Variants in ILDR1 observed in about 807,000 individuals in gnomAD.
ILDR1 encodes immunoglobulin-like domain-containing receptor 1.
ILDR1 carries 56 observed loss-of-function variants against 62.4 expected under a neutral mutation model. The ratio of observed to expected loss-of-function variants is 0.90; its 90% CI spans 0.72 to 1.12. ILDR1 has a LOEUF of 1.12. ILDR1 is among the 50% of genes most tolerant of loss of function. ILDR1 has a pLI of 0.00. For missense variants in ILDR1, 736 were observed against 710.6 expected (o/e 1.04, Z -0.41); for synonymous variants, 284 against 277.8 (o/e 1.02, Z -0.22).
rs899942648 is a variant in ILDR1 at position 122,001,924 on chromosome 3, C to T, written c.380-60G>A. 26 of 1,596,020 alleles carry T rather than the reference C, an allele frequency of 1.6e-5. No individual in the cohort carries two copies. In the Admixed American group the frequency reaches 2.3e-4, roughly 14 times the overall value. On this transcript the variant is annotated intron_variant, in intron 3 of 7. Coordinates refer to ENST00000344209, the MANE Select transcript of ILDR1 (RefSeq NM_001199799.2). ...GAGGAGAGAGCACTGGTTTCTAACCCATGACACCCTCAAGACCTGGGCAGC... is the reference window on the plus strand; with the variant it reads ...GAGGAGAGAGCACTGGTTTCTAACCTATGACACCCTCAAGACCTGGGCAGC...
the ILDR1 span, among the ~76,000 whole-genome samples, chr3:122,044,717 A>C: frequency 6.6e-6 from 1 of 151,458 alleles, no homozygotes; most frequent in South Asian, 2.1e-4. Context: ...AGGTGTTTGT[A>C]GTATTCTCTG....
At chr3:122,047,759 G>A in the ILDR1 span, among the ~76,000 whole-genome samples, 6 of 152,226 alleles carry the variant, frequency 3.9e-5, no homozygotes, top group African/African-American at 7.2e-5. Context: ...GCAATGCCTC[G>A]CCCTGCTTCG....
the ILDR1 span, among the ~76,000 whole-genome samples, chr3:122,028,586 T>A: frequency 6.6e-6 from 1 of 152,180 alleles, no homozygotes; most frequent in East Asian, 1.9e-4. Flanking sequence ...AAAGAACTCC[T>A]TAAAAATCAG....
the ILDR1 span, chr3:122,055,411 T>TC: frequency 7.1e-7 from 1 of 1,403,380 alleles, no homozygotes; most frequent in South Asian, 1.2e-5. Context: ...GCTTCTCTGC[T>TC]GCTGTAACAG....
intron 7 of ILDR1, among the ~76,000 whole-genome samples, chr3:121,992,116 G>A (rs1176308633): frequency 6.6e-6 from 1 of 152,174 alleles, no homozygotes; most frequent in Non-Finnish European, 1.5e-5. Flanking sequence ...TTAAAGGACT[G>A]CTGTCATTTG....
intron 1 of ILDR1, among the ~76,000 whole-genome samples, chr3:122,010,318 A>T (rs987734580): frequency 1.8e-4 from 28 of 152,172 alleles, no homozygotes; most frequent in Non-Finnish European, 2.1e-4. Flanking sequence ...TTGTCCATGG[A>T]TCATCACTGA....
chr3:122,017,931 T>C (rs2071799657), intron 1 of ILDR1, among the ~76,000 whole-genome samples: 2 of 152,226 alleles, frequency 1.3e-5, no homozygotes, highest in Non-Finnish European at 2.9e-5. Flanking sequence ...GGAACGCTTT[T>C]ACACTGTTGG....
At chr3:122,009,068 A>T (rs13086277) in intron 1 of ILDR1, among the ~76,000 whole-genome samples, 22,944 of 151,586 alleles carry the variant, frequency 0.15, 2,455 homozygotes, top group Admixed American at 0.31. Flanking sequence ...CAAGTAGCTG[A>T]GACTACAGGC....
At chr3:122,004,094 T>C (rs1174559681) in intron 3 of ILDR1, among the ~76,000 whole-genome samples, 1 of 152,222 alleles carries the variant, frequency 6.6e-6, no homozygotes, top group Admixed American at 6.5e-5. Flanking sequence ...CTGGTTCCCC[T>C]TAAGTGACCT....
chr3:122,055,356 G>A, the ILDR1 span: 2 of 806,320 alleles, frequency 2.5e-6, no homozygotes, highest in African/African-American at 1.7e-5. Flanking sequence ...AGCTGGGTAG[G>A]TATACAGTCA....
At chr3:122,028,415 A>G in the ILDR1 span, among the ~76,000 whole-genome samples, 2 of 151,910 alleles carry the variant, frequency 1.3e-5, no homozygotes, top group Non-Finnish European at 2.9e-5. Flanking sequence ...GAAGTGAAGT[A>G]TTGTGTGAAA....
the ILDR1 span, among the ~76,000 whole-genome samples, chr3:122,035,972 A>G: frequency 0.045 from 6,828 of 152,292 alleles, 214 homozygotes; most frequent in South Asian, 0.1. Context: ...AACTTCCTAG[A>G]GACTTGTTGA....
chr3:121,998,872 C>T (rs977096786), intron 5 of ILDR1, among the ~76,000 whole-genome samples: 3 of 152,166 alleles, frequency 2.0e-5, no homozygotes, highest in African/African-American at 7.2e-5. Flanking sequence ...GCAGTCTCTG[C>T]TGTAGGAATG....
chr3:122,053,575 T>C, the ILDR1 span, among the ~76,000 whole-genome samples: 28 of 152,208 alleles, frequency 1.8e-4, no homozygotes, highest in African/African-American at 6.5e-4. Flanking sequence ...AGACAAGGTC[T>C]CATTATGTTG....
chr3:122,015,223 C>G (rs2107675572), intron 1 of ILDR1, among the ~76,000 whole-genome samples: 1 of 152,286 alleles, frequency 6.6e-6, no homozygotes, highest in South Asian at 2.1e-4. Flanking sequence ...TCCAAATGCT[C>G]CTGATAGTTC....
chr3:122,002,628 T>TA (rs1003387876), intron 3 of ILDR1, among the ~76,000 whole-genome samples: 12 of 152,270 alleles, frequency 7.9e-5, no homozygotes, highest in African/African-American at 2.9e-4. Flanking sequence ...ATTTTTTTTT[T>TA]AATTTTAAGG....
intron 3 of ILDR1, among the ~76,000 whole-genome samples, chr3:122,002,714 C>A (rs2107657644): frequency 6.6e-6 from 1 of 152,046 alleles, no homozygotes; most frequent in African/African-American, 2.4e-5. Flanking sequence ...CATCCCATCA[C>A]CTCGGTATAA....
At chr3:122,047,038 A>C in the ILDR1 span, among the ~76,000 whole-genome samples, 1 of 143,050 alleles carries the variant, frequency 7.0e-6, no homozygotes, top group African/African-American at 2.6e-5. Context: ...TTTTTTCCCC[A>C]TCTTTGTGGT....
chr3:121,990,608 T>G (rs2071328592), intron 7 of ILDR1, among the ~76,000 whole-genome samples: 1 of 152,226 alleles, frequency 6.6e-6, no homozygotes. Context: ...TTCCTTTTTT[T>G]TCTGAGTCAA....
Sources: allele counts gnomAD v4.1 joint callset (sites outside exome capture counted in the v4.1 genomes callset), GRCh38; gene constraint gnomAD v4.1.1; transcripts MANE v1.5; gene names NCBI Gene and HGNC (gene_info 2026-07-23, HGNC 2026-07-21).